The following NRIP3 variants were observed in gnomAD, a reference collection of about 807,000 sequenced individuals.
NRIP3 encodes nuclear receptor-interacting protein 3.
A neutral mutation model predicts 29.0 loss-of-function variants in NRIP3; 31 were observed. The ratio of observed to expected loss-of-function variants is 1.07; its 90% CI spans 0.80 to 1.44. NRIP3 has a LOEUF of 1.44. Ranked by LOEUF, NRIP3 falls within the 40% of genes most tolerant of loss-of-function variation. The probability of loss-of-function intolerance (pLI) is 0.00; values close to 1 mark genes in which losing one functional copy is unlikely to be tolerated. For missense variants in NRIP3, 314 were observed against 297.9 expected (o/e 1.05, Z -0.40); for synonymous variants, 131 against 118.3 (o/e 1.11, Z -0.70).
upstream of NRIP3, chr11:9,004,187 G>T (rs1854872832): frequency 1.2e-5 from 4 of 343,134 alleles, no homozygotes; most frequent in Non-Finnish European, 2.1e-5. Context: ...CGGCGGCGCT[G>T]GTGGGGACTG....
Position 8,983,423 on chromosome 11 carries a change from CT to C in NRIP3, c.*121del. The stretch of plus-strand genomic sequence containing the variant: ...GAATGGGAAGGAGCCCCTGGAGCTT[CT>C]ATTAGATGGAAGGACTTGGTCCACA... On this transcript the variant is annotated 3_prime_UTR_variant, in exon 7 of 7. Coordinates refer to ENST00000309166, the MANE Select transcript of NRIP3 (RefSeq NM_020645.3). 1 of 830,492 alleles carries C rather than the reference CT, an allele frequency of 1.2e-6. No individual in the cohort carries two copies. Among genetic ancestry groups the C allele is most frequent in the Non-Finnish European group, 1.9e-6 (1 of 514,886 alleles). 51.4% of individuals were successfully genotyped at this position (830,492 alleles called of 1,614,324 possible). A position where few individuals can be genotyped will look rare whatever the true frequency, so the allele number is the denominator to read the frequency against.
intron 1 of NRIP3, among the ~76,000 whole-genome samples, chr11:8,995,541 T>G (rs1437878980): frequency 6.6e-6 from 1 of 152,174 alleles, no homozygotes; most frequent in African/African-American, 2.4e-5. Flanking sequence ...GGAATTGATC[T>G]GCTTCTCCCC....
chr11:9,003,613 G>C (rs1854850747), intron 1 of NRIP3, 149 bp downstream of exon 1: 1 of 737,122 alleles, frequency 1.4e-6, no homozygotes, highest in African/African-American at 1.9e-5. Context: ...AGGGGTACTG[G>C]AAGGGGAGGA....
chr11:8,983,577 A>G lies in NRIP3; in HGVS notation c.711-17T>C, dbSNP rs201531662. The G allele has an allele frequency of 5.6e-6, 9 of 1,612,908 alleles. No homozygotes were observed. Among genetic ancestry groups the G allele is most frequent in the Admixed American group, 1.7e-5 (1 of 59,900 alleles). On this transcript the variant is annotated splice_polypyrimidine_tract_variant and intron_variant, in intron 6 of 6. Transcript: ENST00000309166. Reference sequence around the variant, plus strand: ...TCTGAAGTGCTGAAATGAGAAATAAATATCAGGAGAAATAATGCCAAATTC... The same window carrying G: ...TCTGAAGTGCTGAAATGAGAAATAAGTATCAGGAGAAATAATGCCAAATTC...
Position 8,987,653 on chromosome 11 carries a change from T to A in NRIP3, c.340-23A>T, listed in dbSNP as rs750970878. ...ACACTGTGGGGAGGAAATGTACTGT[T>A]CAATAAGAGCCAGAGAAGCGAAAGG... On this transcript the variant is annotated intron_variant, in intron 2 of 6. Transcript: ENST00000309166. The A allele has an allele frequency of 4.4e-6, 7 of 1,582,432 alleles. No individual in the cohort carries two copies. In the Admixed American group the frequency reaches 1.2e-4, roughly 26 times the overall value.
Position 8,995,572 on chromosome 11 carries a change from A to C in NRIP3, c.175-7290T>G, listed in dbSNP as rs531819373. Among the ~76,000 whole-genome samples the C allele has an allele frequency of 3.2e-4, 48 of 152,208 alleles. No individual in the cohort carries two copies. The South Asian group carries it at 9.3e-3, about 30-fold the overall frequency. ...TCCCCATCTTTACTACCTCCAATCTAATCCAAACCACTATAATTTCTTATC... is the reference window on the plus strand; with the variant it reads ...TCCCCATCTTTACTACCTCCAATCTCATCCAAACCACTATAATTTCTTATC... On this transcript the variant is annotated intron_variant, in intron 1 of 6. Coordinates refer to ENST00000309166, the MANE Select transcript of NRIP3 (RefSeq NM_020645.3).
In NRIP3 at chr11:8,981,435, TC is replaced by T. The variant is rs1415735809; in HGVS notation, c.*2109del. Reference sequence around the variant, plus strand: ...GTGAACCGAGATCGTGCCACTGCACTCCAGCCTGGGCAACAGAGTGAGACTC... The same window carrying T: ...GTGAACCGAGATCGTGCCACTGCACTCAGCCTGGGCAACAGAGTGAGACTC... On this transcript the variant is annotated 3_prime_UTR_variant, in exon 7 of 7. Coordinates refer to ENST00000309166, the MANE Select transcript of NRIP3 (RefSeq NM_020645.3). The T allele has an allele frequency of 1.5e-5, 2 of 137,896 alleles. No homozygotes were observed. Among genetic ancestry groups the T allele is most frequent in the East Asian group, 4.3e-4 (2 of 4,642 alleles). The allele number at this position is 137,896 out of a possible 1,614,324, so 8.5% of individuals were successfully genotyped here. A position where few individuals can be genotyped will look rare whatever the true frequency, so the allele number is the denominator to read the frequency against.
chr11:8,989,801 C>T (rs1253955999), intron 1 of NRIP3, among the ~76,000 whole-genome samples: 1 of 152,042 alleles, frequency 6.6e-6, no homozygotes, highest in East Asian at 1.9e-4. Context: ...AGAATGGATT[C>T]CTAGCTCAAG....
intron 6 of NRIP3, 62 bp downstream of exon 6, chr11:8,983,812 AC>A: frequency 7.3e-7 from 1 of 1,374,616 alleles, no homozygotes; most frequent in Admixed American, 1.7e-5. Flanking sequence ...GAGAACCACC[AC>A]CACCCTGCTC....
At chr11:8,987,682 A>G (rs1854539894) in intron 2 of NRIP3, 52 bp from the exon 3 acceptor site, 1 of 1,355,886 alleles carries the variant, frequency 7.4e-7, no homozygotes, top group African/African-American at 1.4e-5. Flanking sequence ...CGAAAGGGAA[A>G]GGAGATGCAG....
Position 8,983,212 on chromosome 11 carries a change from A to T in NRIP3, c.*333T>A, listed in dbSNP as rs1325982343. ...AAAAGAAGCACATATATCTATGGAG[A>T]CACAGAACCTGGCAGCCCCTATACT... On this transcript the variant is annotated 3_prime_UTR_variant, in exon 7 of 7. Coordinates refer to ENST00000309166, the MANE Select transcript of NRIP3 (RefSeq NM_020645.3). 1 of 449,932 alleles carries T rather than the reference A, an allele frequency of 2.2e-6. No homozygotes were observed. The highest frequency in any genetic ancestry group is 4.5e-5 in the East Asian group (1 of 22,440). The allele number at this position is 449,932 out of a possible 1,614,324, so 27.9% of individuals were successfully genotyped here.
At chr11:8,983,594 G>T in intron 6 of NRIP3, 34 bp from the exon 7 acceptor site, 1 of 1,606,414 alleles carries the variant, frequency 6.2e-7, no homozygotes, top group Non-Finnish European at 8.5e-7. Context: ...GAGAAATAAT[G>T]CCAAATTCAA....
chr11:8,994,726 C>G (rs1471957952), intron 1 of NRIP3, among the ~76,000 whole-genome samples: 1 of 152,210 alleles, frequency 6.6e-6, no homozygotes, highest in Non-Finnish European at 1.5e-5. Flanking sequence ...CCACTGGCCT[C>G]TAAAACCACC....
intron 1 of NRIP3, among the ~76,000 whole-genome samples, chr11:9,000,694 C>A (rs968809159): frequency 6.6e-6 from 1 of 151,934 alleles, no homozygotes; most frequent in Non-Finnish European, 1.5e-5. Context: ...CTTTTATGAA[C>A]CTGGTAGCTA....
intron 1 of NRIP3, among the ~76,000 whole-genome samples, chr11:8,999,739 T>C (rs1854765193): frequency 6.6e-6 from 1 of 152,106 alleles, no homozygotes. Flanking sequence ...TCCTTTGCAC[T>C]TGCTGTTCCT....
intron 1 of NRIP3, 46 bp from the exon 2 acceptor site, chr11:8,988,328 C>T: frequency 6.6e-7 from 1 of 1,520,602 alleles, no homozygotes; most frequent in Non-Finnish European, 9.0e-7. Flanking sequence ...GGCCACATCC[C>T]TCTTTCCCAT....
At chr11:8,993,207 A>C (rs929486527) in intron 1 of NRIP3, among the ~76,000 whole-genome samples, 1 of 152,248 alleles carries the variant, frequency 6.6e-6, no homozygotes, top group African/African-American at 2.4e-5. Context: ...AGGGGGCTCT[A>C]GGAAGGATCC....
chr11:8,984,049 G>A, intron 5 of NRIP3, 23 bp downstream of exon 5: 1 of 1,607,046 alleles, frequency 6.2e-7, no homozygotes, highest in South Asian at 1.1e-5. Flanking sequence ...GAAGTATCAA[G>A]GGGTAAGTGG....
chr11:8,985,079 A>C (rs999347945), intron 4 of NRIP3, among the ~76,000 whole-genome samples: 5 of 151,188 alleles, frequency 3.3e-5, no homozygotes, highest in Admixed American at 6.6e-5. Context: ...TCGAACTCCC[A>C]ACCTCAGGTG....
Sources: gnomAD v4.1 joint callset for allele counts (sites outside exome capture counted in the v4.1 genomes callset) on GRCh38, gnomAD v4.1.1 for gene constraint, MANE v1.5 for transcripts, NCBI Gene and HGNC (gene_info 2026-07-23, HGNC 2026-07-21) for gene names.